HPSE2: variants seen among roughly 807,000 people sequenced by gnomAD.
HPSE2 encodes inactive heparanase-2.
HPSE2 carries 38 observed loss-of-function variants against 60.5 expected under a neutral mutation model. That is an observed-to-expected ratio of 0.63 (90% CI 0.48 to 0.82). The LOEUF is 0.82. Among genes scored for constraint, HPSE2 ranks in the 40% least tolerant of loss-of-function variants. The probability of loss-of-function intolerance (pLI) is 0.00; values close to 1 mark genes in which losing one functional copy is unlikely to be tolerated. For missense variants in HPSE2, 713 were observed against 740.4 expected (o/e 0.96, Z 0.43); for synonymous variants, 295 against 293.2 (o/e 1.01, Z -0.06).
chr10:98,656,321 G>A (rs1565053400), intron 6 of HPSE2, among the ~76,000 whole-genome samples: 1 of 152,124 alleles, frequency 6.6e-6, no homozygotes, highest in Non-Finnish European at 1.5e-5. Flanking sequence ...TCCTGACCTC[G>A]TGATCCACTT....
At chr10:98,863,100 AT>A (rs752481698) in intron 3 of HPSE2, among the ~76,000 whole-genome samples, 4 of 152,182 alleles carry the variant, frequency 2.6e-5, no homozygotes, top group Non-Finnish European at 5.9e-5. Flanking sequence ...AAAATCCTTG[AT>A]TCCCCCAGGA....
intron 9 of HPSE2, among the ~76,000 whole-genome samples, chr10:98,493,672 GT>G (rs1941734607): frequency 6.6e-6 from 1 of 152,080 alleles, no homozygotes; most frequent in Non-Finnish European, 1.5e-5. Context: ...ATCTGTTTGT[GT>G]TTTTGGGTCT....
chr10:98,552,293 GATCATC>G (rs6144046), intron 9 of HPSE2, among the ~76,000 whole-genome samples: 116 of 151,250 alleles, frequency 7.7e-4, no homozygotes, highest in African/African-American at 2.4e-3. Flanking sequence ...GTGTAATGGA[GATCATC>G]ATCATCATCA....
upstream of HPSE2, chr10:99,235,935 C>T (rs535993898): frequency 4.2e-6 from 3 of 719,610 alleles, no homozygotes; most frequent in Non-Finnish European, 7.5e-6. Context: ...CCAACACACA[C>T]ACACTCTCTC....
intron 9 of HPSE2, among the ~76,000 whole-genome samples, chr10:98,608,748 G>A (rs1945665063): frequency 6.6e-6 from 1 of 152,062 alleles, no homozygotes. Context: ...TGGGAGCATT[G>A]GGTTTCACAT....
chr10:99,311,088 A>C, the HPSE2 span, among the ~76,000 whole-genome samples: 1 of 152,198 alleles, frequency 6.6e-6, no homozygotes, highest in African/African-American at 2.4e-5. Flanking sequence ...CTCTGATACA[A>C]AAAAGTATGA....
chr10:99,183,783 G>A (rs1453149261), intron 2 of HPSE2, among the ~76,000 whole-genome samples: 7 of 152,292 alleles, frequency 4.6e-5, no homozygotes, highest in Admixed American at 3.9e-4. Flanking sequence ...AGAAGTAAGT[G>A]AAGCAATCAC....
chr10:98,830,634 C>CA (rs1239630264), intron 3 of HPSE2, among the ~76,000 whole-genome samples: 3 of 152,098 alleles, frequency 2.0e-5, no homozygotes, highest in African/African-American at 7.2e-5. Context: ...GGCTTACTAA[C>CA]AAGACTCCCA....
At chr10:99,148,747 G>A (rs1035358285) in intron 2 of HPSE2, among the ~76,000 whole-genome samples, 3 of 152,000 alleles carry the variant, frequency 2.0e-5, no homozygotes, top group South Asian at 2.1e-4. Flanking sequence ...CCAAGATCGC[G>A]CCATTGCACT....
chr10:98,516,590 A>AT (rs973410089), intron 9 of HPSE2, among the ~76,000 whole-genome samples: 8 of 151,970 alleles, frequency 5.3e-5, no homozygotes, highest in South Asian at 4.2e-4. Context: ...AATCAGTCCC[A>AT]TTTTTTTTCT....
At chr10:98,513,032 C>T (rs1942471553) in intron 9 of HPSE2, among the ~76,000 whole-genome samples, 1 of 152,134 alleles carries the variant, frequency 6.6e-6, no homozygotes, top group Admixed American at 6.5e-5. Context: ...TGGGATTATC[C>T]AGTTCATATG....
chr10:99,203,405 C>G (rs1848640388), intron 2 of HPSE2, among the ~76,000 whole-genome samples: 1 of 152,058 alleles, frequency 6.6e-6, no homozygotes, highest in Non-Finnish European at 1.5e-5. Flanking sequence ...TCTCAGATTC[C>G]AATCCTACTC....
intron 9 of HPSE2, among the ~76,000 whole-genome samples, chr10:98,536,997 G>A (rs779269385): frequency 7.2e-5 from 11 of 152,136 alleles, no homozygotes; most frequent in Admixed American, 1.3e-4. Flanking sequence ...TGAATTAAAG[G>A]GTTTTAAGAA....
chr10:99,142,132 T>C (rs577156878), intron 3 of HPSE2, among the ~76,000 whole-genome samples: 4 of 152,218 alleles, frequency 2.6e-5, no homozygotes, highest in African/African-American at 7.2e-5. Flanking sequence ...CTGGACTATG[T>C]GTTCTGAATG....
chr10:98,610,094 G>T (rs1378419722), intron 9 of HPSE2, among the ~76,000 whole-genome samples: 1 of 152,054 alleles, frequency 6.6e-6, no homozygotes, highest in African/African-American at 2.4e-5. Context: ...GCCCGCCTTG[G>T]CCTCCTAAAG....
Position 98,506,943 on chromosome 10 carries a change from G to A in HPSE2, c.1321-16747C>T, listed in dbSNP as rs1323714914. Among the ~76,000 whole-genome samples, 7 of 152,206 alleles carry A rather than the reference G, an allele frequency of 4.6e-5. No individual in the cohort carries two copies. In the East Asian group the frequency reaches 1.2e-3, roughly 25 times the overall value. ...CTCCCATCCCCAATTCAAGGATAGT[G>A]TAACCAGGTAAAGCATGTGACATAG... On this transcript the variant is annotated intron_variant, in intron 9 of 11. Coordinates refer to ENST00000370552, the MANE Select transcript of HPSE2 (RefSeq NM_021828.5).
At chr10:99,152,736 G>C (rs916386315) in intron 2 of HPSE2, among the ~76,000 whole-genome samples, 2 of 152,150 alleles carry the variant, frequency 1.3e-5, no homozygotes, top group Non-Finnish European at 2.9e-5. Context: ...AACTGAAAAT[G>C]AGGGGGAGGA....
chr10:98,482,538 C>T (rs1031978035), intron 11 of HPSE2, 98 bp downstream of exon 11: 6 of 1,453,490 alleles, frequency 4.1e-6, no homozygotes, highest in Non-Finnish European at 4.8e-6. Context: ...TCCCACTGAG[C>T]CCTTGAGAGA....
At chr10:99,235,960 TCTCTCTCTCG>T, upstream of HPSE2, 2 of 576,244 alleles carry the variant, frequency 3.5e-6, no homozygotes, top group Non-Finnish European at 6.2e-6. Context: ...TCCCGCTCTC[TCTCTCTCTCG>T]CTCGCTCGCT....
Sources: allele counts gnomAD v4.1 joint callset (sites outside exome capture counted in the v4.1 genomes callset), GRCh38; gene constraint gnomAD v4.1.1; transcripts MANE v1.5; gene names NCBI Gene and HGNC (gene_info 2026-07-23, HGNC 2026-07-21).